TENM4: variants seen among roughly 807,000 people sequenced by gnomAD.
TENM4 encodes teneurin-4.
A neutral mutation model predicts 243.3 loss-of-function variants in TENM4; 82 were observed. The ratio of observed to expected loss-of-function variants is 0.34; its 90% confidence interval spans 0.28 to 0.40. The LOEUF (loss-of-function observed/expected upper bound fraction) is 0.40. Ranked by LOEUF, TENM4 falls within the 10% of genes least tolerant of loss-of-function variation. The pLI is 1.00. For synonymous variants in TENM4, 1,412 were observed against 1,456.3 expected (o/e 0.97, Z 0.69); for missense variants, 3,138 against 3,673.3 (o/e 0.85, Z 3.77).
intron 1 of TENM4, among the ~76,000 whole-genome samples, chr11:79,338,273 T>G (rs1228093206): frequency 6.6e-6 from 1 of 152,254 alleles, no homozygotes; most frequent in Non-Finnish European, 1.5e-5. Context: ...CAAGAAGAGC[T>G]GCTGCATCTG....
intron 1 of TENM4, among the ~76,000 whole-genome samples, chr11:79,405,562 T>C (rs1405521622): frequency 2.6e-5 from 4 of 152,152 alleles, no homozygotes; most frequent in African/African-American, 9.7e-5. Context: ...CTAACATGTT[T>C]ACTTGTAATT....
intron 6 of TENM4, among the ~76,000 whole-genome samples, chr11:79,009,708 G>T (rs1030372931): frequency 1.1e-4 from 16 of 152,192 alleles, no homozygotes; most frequent in African/African-American, 3.9e-4. Flanking sequence ...AGAGAGGGCA[G>T]GGACTTGACC....
intron 1 of TENM4, among the ~76,000 whole-genome samples, chr11:79,437,889 C>T (rs903967123): frequency 6.6e-6 from 1 of 152,032 alleles, no homozygotes; most frequent in Non-Finnish European, 1.5e-5. Context: ...AAGGCTCCTT[C>T]AGCAAGGTCA....
intron 9 of TENM4, among the ~76,000 whole-genome samples, chr11:78,878,593 T>C (rs1229194145): frequency 6.6e-6 from 1 of 152,186 alleles, no homozygotes; most frequent in African/African-American, 2.4e-5. Context: ...TCAGAGCCAC[T>C]TGTGACCCTG....
At chr11:79,081,853 A>C (rs1391624148) in intron 4 of TENM4, among the ~76,000 whole-genome samples, 4 of 152,062 alleles carry the variant, frequency 2.6e-5, no homozygotes, top group African/African-American at 9.7e-5. Context: ...GCCGTCCCTC[A>C]ACTCGTGATG....
At chr11:79,338,730 G>A (rs185478370) in intron 1 of TENM4, among the ~76,000 whole-genome samples, 58 of 152,328 alleles carry the variant, frequency 3.8e-4, no homozygotes, top group East Asian at 5.8e-4. Flanking sequence ...TGAGCCAGTC[G>A]CTTGATATTC....
intron 2 of TENM4, among the ~76,000 whole-genome samples, chr11:79,239,554 T>G (rs1864549522): frequency 6.6e-6 from 1 of 152,164 alleles, no homozygotes; most frequent in Non-Finnish European, 1.5e-5. Context: ...CTCTGTCCAG[T>G]GCACCATCAT....
rs142089100 is a variant in TENM4, at chr11:79,298,995, G to A, written c.-320-1452C>T. 4.8e-4 allele frequency among the ~76,000 whole-genome samples: 73 copies of A among 152,168 alleles called. 1 individual carries two copies. In the South Asian group the frequency reaches 9.3e-3, roughly 19 times the overall value. Reference sequence around the variant, plus strand: ...GTTCTGTAACAACGTTGCTAACAGCGTAAAGGAATTTGTCATTAAAACCAT... The same window carrying A: ...GTTCTGTAACAACGTTGCTAACAGCATAAAGGAATTTGTCATTAAAACCAT... On this transcript the variant is annotated intron_variant, in intron 1 of 33. Transcript: ENST00000278550.
chr11:78,774,971 C>G (rs192562208), intron 17 of TENM4, among the ~76,000 whole-genome samples: 68 of 152,284 alleles, frequency 4.5e-4, no homozygotes, highest in Non-Finnish European at 8.4e-4. Context: ...CTTATAATCA[C>G]AAACCATACT....
At chr11:79,092,882 A>G (rs1860994148) in intron 4 of TENM4, 1 of 152,184 alleles carries the variant, frequency 6.6e-6, no homozygotes, top group African/African-American at 2.4e-5. Flanking sequence ...TTGTTTCCTG[A>G]GGTAAGTTAC....
At chr11:79,039,167 A>G (rs970060179) in intron 6 of TENM4, among the ~76,000 whole-genome samples, 4 of 151,042 alleles carry the variant, frequency 2.6e-5, no homozygotes, top group Non-Finnish European at 5.9e-5. Context: ...CCTTTGCCCA[A>G]TTTTCTAGCT....
At chr11:79,098,617 A>C (rs951035955) in intron 4 of TENM4, among the ~76,000 whole-genome samples, 11 of 152,338 alleles carry the variant, frequency 7.2e-5, no homozygotes, top group Middle Eastern at 6.8e-3. Context: ...TGTACGGAAG[A>C]AAAGCAGACA....
chr11:79,257,731 A>G (rs1398322564), intron 2 of TENM4, among the ~76,000 whole-genome samples: 1 of 152,246 alleles, frequency 6.6e-6, no homozygotes, highest in Non-Finnish European at 1.5e-5. Context: ...CAGGTCACAC[A>G]GAATCTCACA....
chr11:79,206,502 C>T (rs1479494164), intron 3 of TENM4, among the ~76,000 whole-genome samples: 2 of 152,206 alleles, frequency 1.3e-5, no homozygotes. Flanking sequence ...ACTTCTTACA[C>T]TCTGATATGG....
chr11:78,934,401 G>A (rs375731336), intron 6 of TENM4, among the ~76,000 whole-genome samples: 1 of 105,164 alleles, frequency 9.5e-6, no homozygotes, highest in South Asian at 4.3e-4. Context: ...GATTCTCAGG[G>A]AAACATGAAT....
chr11:79,368,898 A>G lies in TENM4; in HGVS notation c.-320-71355T>C, dbSNP rs140626336. On this transcript the variant is annotated intron_variant, in intron 1 of 33. Transcript: ENST00000278550. ...GATGTGTGGAGTCAATACGTTCAGG[A>G]ATGACAGGTACTTGGTACACAGTAA... Among the ~76,000 whole-genome samples, 342 of 152,342 alleles carry G rather than the reference A, an allele frequency of 2.2e-3. 3 individuals are homozygous for G. The highest frequency in any genetic ancestry group is 8.0e-3 in the African/African-American group (332 of 41,582).
chr11:79,163,908 A>G (rs145673293), intron 3 of TENM4, among the ~76,000 whole-genome samples: 11 of 143,190 alleles, frequency 7.7e-5, no homozygotes, highest in African/African-American at 2.8e-4. Context: ...TATATATCGT[A>G]TATAGGTATA....
At chr11:78,736,766 T>C (rs1344841292) in intron 20 of TENM4, among the ~76,000 whole-genome samples, 2 of 152,180 alleles carry the variant, frequency 1.3e-5, no homozygotes, top group African/African-American at 4.8e-5. Context: ...CATTATGCAG[T>C]GGCTGAGTTG....
chr11:79,375,730 T>C (rs2135516528), intron 1 of TENM4, among the ~76,000 whole-genome samples: 1 of 152,306 alleles, frequency 6.6e-6, no homozygotes. Flanking sequence ...ATCAAAGCTG[T>C]ATAAATGCAA....
Sources: allele counts gnomAD v4.1 joint callset (sites outside exome capture counted in the v4.1 genomes callset), GRCh38; gene constraint gnomAD v4.1.1; transcripts MANE v1.5; gene names NCBI Gene and HGNC (gene_info 2026-07-23, HGNC 2026-07-21).